AGO1: variants seen among roughly 807,000 people sequenced by gnomAD.
AGO1 encodes the protein argonaute RISC component 1, also known as protein argonaute-1.
Under a neutral mutation model 109.2 loss-of-function variants are expected in AGO1, and 11 were observed. The observed-to-expected ratio is 0.10, with a 90% confidence interval of 0.06 to 0.17. AGO1 has a LOEUF of 0.17. Among genes scored for constraint, AGO1 ranks in the 10% least tolerant of loss-of-function variants. AGO1 has a pLI of 1.00. For synonymous variants in AGO1, 422 were observed against 418.6 expected (o/e 1.01, Z -0.10); for missense variants, 574 against 1,140.3 (o/e 0.50, Z 7.15).
intron 1 of AGO1, among the ~76,000 whole-genome samples, chr1:35,872,217 G>A (rs1325007716): frequency 7.3e-6 from 1 of 137,194 alleles, no homozygotes; most frequent in Non-Finnish European, 1.5e-5. Context: ...ACGGAGTCTC[G>A]CTCTGTCACC....
At chr1:35,897,430 T>A (rs1557609599) in intron 8 of AGO1, among the ~76,000 whole-genome samples, 1 of 152,158 alleles carries the variant, frequency 6.6e-6, no homozygotes, top group Non-Finnish European at 1.5e-5. Flanking sequence ...GTGGCTAGAA[T>A]GTATTGTGTG....
In AGO1 at chr1:35,883,255, G is replaced by GCGGCGGCGGCAA; in HGVS notation, c.-163_-152dup. The GCGGCGGCGGCAA allele has an allele frequency of 7.4e-7, 1 of 1,344,624 alleles. No homozygotes were observed. The highest frequency in any genetic ancestry group is 9.6e-7 in the Non-Finnish European group (1 of 1,046,896). 83.3% of individuals were successfully genotyped at this position (1,344,624 alleles called of 1,614,324 possible). A position where few individuals can be genotyped will look rare whatever the true frequency, so the allele number is the denominator to read the frequency against. On this transcript the variant is annotated 5_prime_UTR_variant, in exon 1 of 19. Transcript: ENST00000373204. This position sits in a 1 kb window ranked among gnomAD's most constrained non-coding sequence, Gnocchi z 5.4. ...CGCAGTGGGAGCTGCTGCAGGCTCCGCGGCGGCGGCAACGGAGGCTGCGGG... is the reference window on the plus strand; with the variant it reads ...CGCAGTGGGAGCTGCTGCAGGCTCCGCGGCGGCGGCAACGGCGGCGGCAACGGAGGCTGCGGG...
chr1:35,875,144 A>T (rs1644982829), intron 1 of AGO1, among the ~76,000 whole-genome samples: 1 of 152,156 alleles, frequency 6.6e-6, no homozygotes, highest in Non-Finnish European at 1.5e-5. Context: ...TAGATGAAAC[A>T]GCCTTCTGTT....
At chr1:35,895,377 A>G (rs1645299513) in intron 8 of AGO1, 108 bp downstream of exon 8, 2 of 1,292,922 alleles carry the variant, frequency 1.5e-6, no homozygotes, top group Admixed American at 5.2e-5. Context: ...ACATTCTGAG[A>G]AGGTATGAGG....
In AGO1 at chr1:35,902,439, G is replaced by C. The variant is rs1041770509; in HGVS notation, c.1397+102G>C. 4.2e-6 allele frequency: 6 copies of C among 1,426,230 alleles called. No individual in the cohort carries two copies. In the East Asian group the frequency reaches 9.7e-5, roughly 23 times the overall value. 88.3% of individuals were successfully genotyped at this position (1,426,230 alleles called of 1,614,324 possible). ...CTGATATTGATCAGTAATGTGTTCTGTCTTGACTCTGCCTGCATTGTGCTT... is the reference window on the plus strand; with the variant it reads ...CTGATATTGATCAGTAATGTGTTCTCTCTTGACTCTGCCTGCATTGTGCTT... On this transcript the variant is annotated intron_variant, in intron 11 of 18. Transcript: ENST00000373204.
At chr1:35,876,659 A>G (rs985598320) in intron 1 of AGO1, among the ~76,000 whole-genome samples, 3 of 152,228 alleles carry the variant, frequency 2.0e-5, no homozygotes, top group African/African-American at 7.2e-5. Context: ...AATGTCAACA[A>G]TATATTTAGA....
intron 1 of AGO1, among the ~76,000 whole-genome samples, chr1:35,885,420 G>A (rs1394825025): frequency 6.6e-6 from 1 of 152,202 alleles, no homozygotes; most frequent in African/African-American, 2.4e-5. Flanking sequence ...TTTGGAGTCA[G>A]CCAAAGCCTT....
At chr1:35,906,796 C>G (rs1404099751) in intron 11 of AGO1, 139 bp from the exon 12 acceptor site, 2 of 676,158 alleles carry the variant, frequency 3.0e-6, no homozygotes, top group South Asian at 2.1e-5. Context: ...TGACAGAGCA[C>G]CCTGTCTCAA....
chr1:35,908,127 G>T (rs530822047), intron 12 of AGO1, among the ~76,000 whole-genome samples: 1 of 152,252 alleles, frequency 6.6e-6, no homozygotes, highest in South Asian at 2.1e-4. Context: ...CTTTTTGAAT[G>T]AGTTCTCTAT....
At chr1:35,891,689 T>G (rs1019833211) in intron 2 of AGO1, among the ~76,000 whole-genome samples, 14 of 151,390 alleles carry the variant, frequency 9.2e-5, no homozygotes, top group Non-Finnish European at 2.9e-5. Context: ...TTCAGCCTCC[T>G]GAGTAGCTGG....
At chr1:35,882,800 T>C, upstream of AGO1, 1 of 985,282 alleles carries the variant, frequency 1.0e-6, no homozygotes, top group Non-Finnish European at 1.2e-6. This position sits in a 1 kb window ranked among gnomAD's most constrained non-coding sequence, Gnocchi z 5.1. Context: ...CAGCCAAGGC[T>C]TGAAGGATGA....
chr1:35,880,529 C>T (rs1239136950), upstream of AGO1, among the ~76,000 whole-genome samples: 1 of 152,134 alleles, frequency 6.6e-6, no homozygotes, highest in Non-Finnish European at 1.5e-5. Context: ...AGCTGCACTA[C>T]AGCCTGGGTA....
upstream of AGO1, among the ~76,000 whole-genome samples, chr1:35,881,267 C>G (rs1012719320): frequency 6.6e-6 from 1 of 152,168 alleles, no homozygotes. Context: ...CACCCAACAC[C>G]TACTGAATCG....
rs75529048 is a variant in AGO1 at position 35,871,859 on chromosome 1, G to A, written c.-201+1956G>A. On this transcript the variant is annotated intron_variant, in intron 1 of 18. Transcript: ENST00000373206. ...CTGAGGTGGGTGGATCACGAGGTCA[G>A]GAGATCGAGACTATCTTGGCTAACA... 1.8e-4 allele frequency among the ~76,000 whole-genome samples: 27 copies of A among 152,058 alleles called. No homozygotes were observed. The East Asian group carries it at 4.9e-3, about 28-fold the overall frequency.
At chr1:35,880,737 G>A (rs1645028354), upstream of AGO1, among the ~76,000 whole-genome samples, 1 of 152,158 alleles carries the variant, frequency 6.6e-6, no homozygotes, top group Non-Finnish European at 1.5e-5. Flanking sequence ...TCAGCTCACT[G>A]CAACCTCTGC....
chr1:35,894,708 C>A (rs1645287663), intron 7 of AGO1, among the ~76,000 whole-genome samples: 1 of 152,140 alleles, frequency 6.6e-6, no homozygotes, highest in Non-Finnish European at 1.5e-5. Context: ...ATTATTCTTT[C>A]TCTTGAAAAA....
At position 35,919,180 on chromosome 1, in the gene AGO1, C is replaced by T. The variant is rs780502108; in HGVS notation, c.2391C>T (p.Ile797=). The part of the protein sequence containing the change: ...TYVRCTRSVS[I]PAPAYYARLV... ...TACGATGCACACGCTCTGTCTCTATCCCAGCACCTGCCTACTATGCCCGCC... is the reference window on the plus strand; with the variant it reads ...TACGATGCACACGCTCTGTCTCTATTCCAGCACCTGCCTACTATGCCCGCC... The change falls in exon 18 of 19, where the codon ATC becomes ATT. Residue 797 remains isoleucine (I), a synonymous_variant. Coordinates refer to ENST00000373204, the MANE Select transcript of AGO1 (RefSeq NM_012199.5). This position sits in a 1 kb window ranked among gnomAD's most constrained non-coding sequence, Gnocchi z 6.6. 22 of 1,614,074 alleles carry T rather than the reference C, an allele frequency of 1.4e-5. No homozygotes were observed. Among genetic ancestry groups the T allele is most frequent in the Non-Finnish European group, 1.5e-5 (18 of 1,180,050 alleles).
Position 35,924,819 on chromosome 1 carries a change from T to C in AGO1, c.*5212T>C, listed in dbSNP as rs1645897182. On this transcript the variant is annotated 3_prime_UTR_variant, in exon 19 of 19. Coordinates refer to ENST00000373204, the MANE Select transcript of AGO1 (RefSeq NM_012199.5). ...GTGGGGAGTTTTTGAAGAAACAGAA[T>C]GTTGTATAGACTGAGTTTTGAGGTG... 6.6e-6 allele frequency: 1 copy of C among 152,050 alleles called. No individual in the cohort carries two copies. Among genetic ancestry groups the C allele is most frequent in the Non-Finnish European group, 1.5e-5 (1 of 68,046 alleles). 9.4% of individuals were successfully genotyped at this position (152,050 alleles called of 1,614,324 possible). A position where few individuals can be genotyped will look rare whatever the true frequency, so the allele number is the denominator to read the frequency against.
upstream of AGO1, among the ~76,000 whole-genome samples, chr1:35,880,944 A>G (rs949982478): frequency 2.0e-5 from 3 of 152,018 alleles, no homozygotes; most frequent in Non-Finnish European, 4.4e-5. Flanking sequence ...ACAGGCGTGA[A>G]CCACTGTGCC....
Sources: allele counts gnomAD v4.1 joint callset (sites outside exome capture counted in the v4.1 genomes callset), GRCh38; gene constraint gnomAD v4.1.1; non-coding constraint Gnocchi (gnomAD v3.1); transcripts MANE v1.5; gene names NCBI Gene and HGNC (gene_info 2026-07-23, HGNC 2026-07-21).